Variants in HELLS observed in about 807,000 individuals in gnomAD.
HELLS encodes the protein helicase, lymphoid specific, also known as lymphoid-specific helicase.
HELLS carries 32 observed loss-of-function variants against 120.0 expected under a neutral mutation model. That is an observed-to-expected ratio of 0.27 (90% CI 0.20 to 0.36). HELLS has a LOEUF of 0.36. Ranked by LOEUF, HELLS falls within the 10% of genes least tolerant of loss-of-function variation. HELLS has a pLI of 1.00. For synonymous variants in HELLS, 341 were observed against 323.4 expected, an observed-to-expected ratio of 1.05 and a Z score of -0.58; for missense variants, 650 against 993.4, an observed-to-expected ratio of 0.65 and a Z score of 4.65.
chr10:94,596,672 C>T (rs761165830), intron 19 of HELLS, among the ~76,000 whole-genome samples, 188 bp from the exon 20 acceptor site: 9 of 152,178 alleles, frequency 5.9e-5, no homozygotes, highest in South Asian at 2.1e-4. Context: ...AACTACCAGC[C>T]TTTTCCAAAG....
chr10:94,568,252 C>G (rs888859840), intron 6 of HELLS, among the ~76,000 whole-genome samples: 4 of 150,050 alleles, frequency 2.7e-5, no homozygotes, highest in Admixed American at 2.0e-4. Flanking sequence ...TATTTCCTTA[C>G]ACATTATGCA....
chr10:94,556,600 C>A (rs1463332188), intron 3 of HELLS, among the ~76,000 whole-genome samples: 1 of 152,108 alleles, frequency 6.6e-6, no homozygotes, highest in Non-Finnish European at 1.5e-5. Flanking sequence ...ATTTATAATT[C>A]TTCTCGCCCG....
At chr10:94,559,338 A>G (rs1843433026) in intron 4 of HELLS, among the ~76,000 whole-genome samples, 1 of 152,208 alleles carries the variant, frequency 6.6e-6, no homozygotes, top group South Asian at 2.1e-4. Flanking sequence ...TTCTAAGTAC[A>G]AAAAGGCTGT....
chr10:94,584,026 T>A (rs1479149232), intron 12 of HELLS: 3 of 841,800 alleles, frequency 3.6e-6, no homozygotes, highest in Non-Finnish European at 5.6e-6. Context: ...AGTTTACAGA[T>A]GAGGGCTTCT....
chr10:94,578,089 A>AAAC (rs1844608996), intron 10 of HELLS, among the ~76,000 whole-genome samples: 1 of 148,320 alleles, frequency 6.7e-6, no homozygotes, highest in East Asian at 2.0e-4. Flanking sequence ...AAAAAAAAAA[A>AAAC]AAAAAAAATA....
chr10:94,574,870 T>C, intron 9 of HELLS, 134 bp downstream of exon 9: 10 of 672,628 alleles, frequency 1.5e-5, no homozygotes. Context: ...TTTGACTTAC[T>C]CAATCTGCAC....
intron 12 of HELLS, among the ~76,000 whole-genome samples, chr10:94,587,760 A>G (rs549730132): frequency 6.6e-6 from 1 of 152,326 alleles, no homozygotes; most frequent in South Asian, 2.1e-4. Flanking sequence ...TTTAAAATGT[A>G]AAAGTTAAAT....
At position 94,589,353 on chromosome 10, in the gene HELLS, T is replaced by C. The variant is rs1218984893; in HGVS notation, c.1488+963T>C. ...CTGAGTTGCTCCAAAATTTGAAACTTTGAGTGCTGATATGAAACTGAAAGG... is the reference window on the plus strand; with the variant it reads ...CTGAGTTGCTCCAAAATTTGAAACTCTGAGTGCTGATATGAAACTGAAAGG... On this transcript the variant is annotated intron_variant, in intron 13 of 21. Transcript: ENST00000348459. Among the ~76,000 whole-genome samples the C allele has an allele frequency of 3.3e-5, 5 of 152,288 alleles. No homozygotes were observed. In the East Asian group the frequency reaches 9.6e-4, roughly 29 times the overall value.
rs1438346338 is a variant in HELLS, at chr10:94,554,040, T to G, written c.154-86T>G. 4 of 1,201,578 alleles carry G rather than the reference T, an allele frequency of 3.3e-6. No homozygotes were observed. In the African/African-American group the frequency reaches 6.4e-5, roughly 19 times the overall value. The allele number at this position is 1,201,578 out of a possible 1,614,324, so 74.4% of individuals were successfully genotyped here. A position where few individuals can be genotyped will look rare whatever the true frequency, so the allele number is the denominator to read the frequency against. ...AGTGTTTGGTTTAAAAAATGTTATTTTAGCCATTTTTATTAAACTTTATGC... is the reference window on the plus strand; with the variant it reads ...AGTGTTTGGTTTAAAAAATGTTATTGTAGCCATTTTTATTAAACTTTATGC... On this transcript the variant is annotated intron_variant, in intron 2 of 21. Transcript: ENST00000348459.
rs149744887 is a variant in HELLS, at chr10:94,550,435, C to T, written c.154-3691C>T. ...CTAGGACTACAGGCGCGTGCCACCA[C>T]GCCCAGCTAATTTTTTTTGTATTTT... On this transcript the variant is annotated intron_variant, in intron 2 of 21. Coordinates refer to ENST00000348459, the MANE Select transcript of HELLS (RefSeq NM_018063.5). Among the ~76,000 whole-genome samples the T allele has an allele frequency of 8.7e-3, 1,319 of 152,020 alleles. 17 individuals are homozygous for T. Among genetic ancestry groups the T allele is most frequent in the African/African-American group, 0.03 (1,239 of 41,494 alleles).
chr10:94,604,307 T>A (rs68046102), downstream of HELLS, among the ~76,000 whole-genome samples: 55,703 of 151,572 alleles, frequency 0.37, 10,772 homozygotes, highest in East Asian at 0.68. Flanking sequence ...TTATTTTTAG[T>A]AGAAACGTGG....
At chr10:94,581,222 A>T (rs1844852658) in intron 10 of HELLS, 104 bp from the exon 11 acceptor site, 1 of 612,762 alleles carries the variant, frequency 1.6e-6, no homozygotes, top group African/African-American at 1.9e-5. Context: ...ATTTGATAAA[A>T]TTCAACATCC....
chr10:94,545,869 G>C lies in HELLS; in HGVS notation c.-53G>C. The C allele has an allele frequency of 6.5e-7, 1 of 1,544,882 alleles. No homozygotes were observed. Among genetic ancestry groups the C allele is most frequent in the Non-Finnish European group, 8.8e-7 (1 of 1,140,680 alleles). On this transcript the variant is annotated 5_prime_UTR_variant, in exon 1 of 22. Transcript: ENST00000348459. ...CAGCGGTTGTGAGGAGTTAGCTCGC[G>C]GCATTGCAGGCTCTGAGAGGAGGGG...
chr10:94,590,516 T>C lies in HELLS; in HGVS notation c.1592T>C (p.Leu531Pro), dbSNP rs1845432478. ...IDDFPNELEK[L>P]ISQIQPEVDR... is the part of the protein sequence containing the mutation. ...GATTTCCCTAATGAATTGGAAAAAC[T>C]GATCAGTCAAATACAGCCAGAGGTG... Residue 531 changes from leucine to proline, a missense_variant, in exon 14 of 22, where the codon CTG (leucine) becomes CCG (proline). This residue lies in a region of HELLS where 191 missense variants were observed against 259.7 expected (regional missense o/e 0.74). Transcript: ENST00000348459. 2 of 1,611,132 alleles carry C rather than the reference T, an allele frequency of 1.2e-6. No homozygotes were observed. The highest frequency in any genetic ancestry group is 1.7e-6 in the Non-Finnish European group (2 of 1,179,428).
intron 2 of HELLS, among the ~76,000 whole-genome samples, chr10:94,551,422 G>T (rs1296380012): frequency 6.6e-6 from 1 of 151,876 alleles, no homozygotes; most frequent in East Asian, 2.0e-4. Flanking sequence ...AAAAATTAGC[G>T]GGGTGTGGTG....
At chr10:94,588,202 A>G in intron 12 of HELLS, 27 bp from the exon 13 acceptor site, 1 of 1,419,142 alleles carries the variant, frequency 7.0e-7, no homozygotes. Flanking sequence ...TAATACTCAT[A>G]TTTTTCTGTT....
At chr10:94,592,931 C>A (rs897209397) in intron 17 of HELLS, among the ~76,000 whole-genome samples, 3 of 151,966 alleles carry the variant, frequency 2.0e-5, no homozygotes, top group Non-Finnish European at 4.4e-5. Context: ...TAATAGCAGC[C>A]TTGCTGTATC....
chr10:94,590,521 A>G lies in HELLS; in HGVS notation c.1597A>G (p.Ser533Gly). The G allele has an allele frequency of 6.2e-7, 1 of 1,610,446 alleles. No individual in the cohort carries two copies. Among genetic ancestry groups the G allele is most frequent in the Non-Finnish European group, 8.5e-7 (1 of 1,179,308 alleles). Reference sequence around the variant, plus strand: ...CCCTAATGAATTGGAAAAACTGATCAGTCAAATACAGCCAGAGGTGGACCG... The same window carrying G: ...CCCTAATGAATTGGAAAAACTGATCGGTCAAATACAGCCAGAGGTGGACCG... ...DFPNELEKLI[S>G]QIQPEVDRER... The change falls in exon 14 of 22, where the codon AGT becomes GGT. Residue 533 changes from serine to glycine, a missense_variant. Ser to Gly is a moderately conservative substitution (Grantham distance 56). This residue lies in a region of HELLS where 191 missense variants were observed against 259.7 expected (regional missense o/e 0.74). Coordinates refer to ENST00000348459, the MANE Select transcript of HELLS (RefSeq NM_018063.5).
intron 6 of HELLS, among the ~76,000 whole-genome samples, chr10:94,566,564 T>A (rs1221468093): frequency 6.6e-6 from 1 of 152,166 alleles, no homozygotes; most frequent in Non-Finnish European, 1.5e-5. Context: ...ATTGAAAGAT[T>A]TTAAGCAAAT....
Sources: gnomAD v4.1 joint callset for allele counts (sites outside exome capture counted in the v4.1 genomes callset) on GRCh38, gnomAD v4.1.1 for gene constraint, gnomAD v4.1.1 regional missense constraint, MANE v1.5 for transcripts, NCBI Gene and HGNC (gene_info 2026-07-23, HGNC 2026-07-21) for gene names.